HDX: variants seen among roughly 807,000 people sequenced by gnomAD.
HDX encodes highly divergent homeobox.
HDX carries 19 observed loss-of-function variants against 45.2 expected under a neutral mutation model. That is an observed-to-expected ratio of 0.42 (90% CI 0.29 to 0.62). HDX has a LOEUF of 0.62. Ranked by LOEUF, HDX falls within the 20% of genes least tolerant of loss-of-function variation. The probability of loss-of-function intolerance (pLI) is 0.20; values close to 1 mark genes in which losing one functional copy is unlikely to be tolerated. For missense variants in HDX, 532 were observed against 493.9 expected (o/e 1.08, Z -0.73); for synonymous variants, 188 against 172.8 (o/e 1.09, Z -0.69).
chrX:84,380,240 A>AG (rs2038156236), intron 5 of HDX, among the ~76,000 whole-genome samples: 1 of 71,425 alleles, frequency 1.4e-5, no homozygotes. Flanking sequence ...GCCTCCCAAT[A>AG]AAAAAAAAAA....
chrX:84,417,807 G>C (rs1169605174), intron 5 of HDX, among the ~76,000 whole-genome samples: 1 of 112,016 alleles, frequency 8.9e-6, no homozygotes, highest in Non-Finnish European at 1.9e-5. Context: ...AACTGGCATA[G>C]TCTGGATGCT....
intron 7 of HDX, among the ~76,000 whole-genome samples, chrX:84,339,173 G>T (rs1322605426): frequency 9.0e-6 from 1 of 111,635 alleles, no homozygotes; most frequent in Non-Finnish European, 1.9e-5. Flanking sequence ...CTTATATGTG[G>T]AATCTTAAAA....
chrX:84,432,772 G>T (rs1310389714), intron 5 of HDX, among the ~76,000 whole-genome samples: 1 of 111,198 alleles, frequency 9.0e-6, no homozygotes, highest in Non-Finnish European at 1.9e-5. Flanking sequence ...TCTGCAAACA[G>T]AGATAGTTTG....
chrX:84,376,295 T>A (rs188782262), intron 5 of HDX, among the ~76,000 whole-genome samples: 134 of 112,262 alleles, frequency 1.2e-3, no homozygotes, highest in African/African-American at 4.2e-3. Flanking sequence ...CAGGTGAGAC[T>A]CAGCACATGA....
In HDX at chrX:84,319,018, T is replaced by C. The variant is rs1231927165; in HGVS notation, c.*2871A>G. Reference sequence around the variant, plus strand: ...AAAATACCTTCCTTTTTTTTTCATATGTACACATTTTGGAAGGTAAGTGCT... The same window carrying C: ...AAAATACCTTCCTTTTTTTTTCATACGTACACATTTTGGAAGGTAAGTGCT... On this transcript the variant is annotated 3_prime_UTR_variant, in exon 11 of 11. Transcript: ENST00000373177. 1 of 111,338 alleles carries C rather than the reference T, an allele frequency of 9.0e-6. No homozygotes were observed. The highest frequency in any genetic ancestry group is 1.9e-5 in the Non-Finnish European group (1 of 52,558). 9.2% of individuals were successfully genotyped at this position (111,338 alleles called of 1,213,427 possible).
intron 5 of HDX, among the ~76,000 whole-genome samples, chrX:84,398,508 CAAG>C (rs1239306443): frequency 1.8e-5 from 2 of 111,804 alleles, no homozygotes; most frequent in Non-Finnish European, 3.8e-5. Context: ...GGCATCAATT[CAAG>C]AAGAAGAACT....
chrX:84,454,467 G>A (rs1433661934), intron 4 of HDX, among the ~76,000 whole-genome samples: 4 of 111,487 alleles, frequency 3.6e-5, no homozygotes, highest in Middle Eastern at 4.7e-3. Flanking sequence ...AGGTGGTGGC[G>A]GCCAAGAGGT....
At chrX:84,465,013 A>C (rs1356945800) in intron 4 of HDX, among the ~76,000 whole-genome samples, 1 of 112,379 alleles carries the variant, frequency 8.9e-6, no homozygotes, top group Non-Finnish European at 1.9e-5. Context: ...TGGGCAAAGG[A>C]CATGAACAGG....
intron 5 of HDX, among the ~76,000 whole-genome samples, chrX:84,406,195 A>T (rs73625984): frequency 0.07 from 7,713 of 110,684 alleles, 326 homozygotes; most frequent in African/African-American, 0.16. Context: ...AACAAATATA[A>T]CTATATCAAT....
chrX:84,326,779 G>T (rs1461413461), intron 9 of HDX, among the ~76,000 whole-genome samples: 1 of 110,426 alleles, frequency 9.1e-6, no homozygotes, highest in African/African-American at 3.3e-5. Flanking sequence ...GGGCATGGTG[G>T]TGTGTGCCTG....
At chrX:84,322,114 G>T (rs1032614458) in intron 10 of HDX, 100 bp from the exon 11 acceptor site, 2 of 490,216 alleles carry the variant, frequency 4.1e-6, no homozygotes, top group Non-Finnish European at 6.2e-6. Context: ...TATCCTTATG[G>T]ATTTAAAGAA....
chrX:84,463,518 A>G lies in HDX; in HGVS notation c.1251+4954T>C, dbSNP rs1176300294. Among the ~76,000 whole-genome samples, 3 of 111,605 alleles carry G rather than the reference A, an allele frequency of 2.7e-5. No homozygotes were observed. In the Admixed American group the frequency reaches 2.9e-4, roughly 11 times the overall value. On this transcript the variant is annotated intron_variant, in intron 4 of 10. Coordinates refer to ENST00000373177, the MANE Select transcript of HDX (RefSeq NM_001177479.2). Reference sequence around the variant, plus strand: ...TAAAGGAAGTTCACCAAAGTGCTTTACTTCTATTAATTCCAAAGACCTTCT... The same window carrying G: ...TAAAGGAAGTTCACCAAAGTGCTTTGCTTCTATTAATTCCAAAGACCTTCT...
chrX:84,496,139 G>T (rs943299053), intron 1 of HDX, among the ~76,000 whole-genome samples: 1 of 111,865 alleles, frequency 8.9e-6, no homozygotes, highest in Non-Finnish European at 1.9e-5. Flanking sequence ...CTATGACATT[G>T]GTGTAGTTTT....
chrX:84,410,324 C>A (rs891993738), intron 5 of HDX, among the ~76,000 whole-genome samples: 1 of 110,924 alleles, frequency 9.0e-6, no homozygotes, highest in Non-Finnish European at 1.9e-5. Flanking sequence ...TGAGTATGTT[C>A]TTTGATTCCT....
intron 5 of HDX, among the ~76,000 whole-genome samples, chrX:84,429,179 A>G (rs2039448831): frequency 9.0e-6 from 1 of 110,693 alleles, no homozygotes; most frequent in East Asian, 2.8e-4. Flanking sequence ...AATTTTAATT[A>G]CCATATAAGT....
At chrX:84,332,003 G>A (rs181159228) in intron 9 of HDX, among the ~76,000 whole-genome samples, 39 of 111,117 alleles carry the variant, frequency 3.5e-4, no homozygotes, top group Admixed American at 1.1e-3. Flanking sequence ...TCAACAATGT[G>A]GTTTTCATCC....
chrX:84,488,739 T>G (rs1297571502), intron 1 of HDX, among the ~76,000 whole-genome samples: 1 of 111,704 alleles, frequency 9.0e-6, no homozygotes, highest in African/African-American at 3.2e-5. Flanking sequence ...ATTTCTGAAC[T>G]ACCTTATTCA....
chrX:84,457,659 G>T (rs1347052798), intron 4 of HDX, among the ~76,000 whole-genome samples: 2 of 111,448 alleles, frequency 1.8e-5, no homozygotes, highest in African/African-American at 3.3e-5. Flanking sequence ...ATCTCATGAG[G>T]TCAACAAGAA....
chrX:84,409,772 A>G (rs1379449776), intron 5 of HDX, among the ~76,000 whole-genome samples: 1 of 105,855 alleles, frequency 9.4e-6, no homozygotes, highest in Non-Finnish European at 1.9e-5. Flanking sequence ...ACCTAATGCT[A>G]AATGACGAGT....
Sources: allele counts gnomAD v4.1 joint callset (sites outside exome capture counted in the v4.1 genomes callset), GRCh38; gene constraint gnomAD v4.1.1; transcripts MANE v1.5; gene names NCBI Gene and HGNC (gene_info 2026-07-23, HGNC 2026-07-21).